RUSC2: variants seen among roughly 807,000 people sequenced by gnomAD.
RUSC2 encodes AP-4 complex accessory subunit RUSC2.
RUSC2 carries 34 observed loss-of-function variants against 122.2 expected under a neutral mutation model. That is an observed-to-expected ratio of 0.28 (90% CI 0.21 to 0.37). RUSC2 has a LOEUF of 0.37. Among genes scored for constraint, RUSC2 ranks in the 10% least tolerant of loss-of-function variants. The pLI is 1.00. For missense variants in RUSC2, 1,747 were observed against 1,952.4 expected, an observed-to-expected ratio of 0.89 and a Z score of 1.98; for synonymous variants, 784 against 790.0, an observed-to-expected ratio of 0.99 and a Z score of 0.13.
chr9:35,497,836 C>T (rs1266438698), intron 1 of RUSC2, among the ~76,000 whole-genome samples: 2 of 152,168 alleles, frequency 1.3e-5, no homozygotes, highest in African/African-American at 4.8e-5. Context: ...TTCTCTGTCC[C>T]TGTGGAACAT....
chr9:35,561,485 G>A lies in RUSC2; in HGVS notation c.*103G>A, dbSNP rs1181176923. On this transcript the variant is annotated 3_prime_UTR_variant, in exon 12 of 12. Transcript: ENST00000361226. The stretch of plus-strand genomic sequence containing the variant: ...GGCTTGGCTGCAGAGTAGACTGAGA[G>A]CTGGGGCCACGTATCCCTGTGCTGG... 1.0e-6 allele frequency: 1 copy of A among 958,460 alleles called. No individual in the cohort carries two copies. 59.4% of individuals were successfully genotyped at this position (958,460 alleles called of 1,614,324 possible). A position where few individuals can be genotyped will look rare whatever the true frequency, so the allele number is the denominator to read the frequency against.
At position 35,561,070 on chromosome 9, in the gene RUSC2, C is replaced by G; in HGVS notation, c.4322C>G (p.Ser1441Cys). The G allele has an allele frequency of 6.2e-7, 1 of 1,614,110 alleles. No homozygotes were observed. The highest frequency in any genetic ancestry group is 8.5e-7 in the Non-Finnish European group (1 of 1,179,986). Residue 1441 changes from serine (S) to cysteine (C), a missense_variant, in exon 11 of 12, where the codon TCC (serine) becomes TGC (cysteine). By Grantham distance (112) the Ser-to-Cys change is moderately radical. Transcript: ENST00000361226. ...AAGGAGAGCCTGCAGGAGCCACACT[C>G]CCCAGCCCTGCCCTCCAGTCCTCCG... ...EPKESLQEPH[S>C]PALPSSPPCE...
In RUSC2 at chr9:35,558,427, T is replaced by C. The variant is rs752943838; in HGVS notation, c.3236-35T>C. 3 of 1,613,928 alleles carry C rather than the reference T, an allele frequency of 1.9e-6. No homozygotes were observed. Among genetic ancestry groups the C allele is most frequent in the African/African-American group, 2.7e-5 (2 of 75,014 alleles). ...GGGCTGAATTTAGGGCTCCAGAAAT[T>C]GGTCATGTGACCTGCAACCCTGGCT... On this transcript the variant is annotated intron_variant, in intron 7 of 11. Transcript: ENST00000361226. This position sits in a 1 kb window ranked among gnomAD's most constrained non-coding sequence, Gnocchi z 4.3.
rs751459266 is a variant in RUSC2, at chr9:35,557,568, G to C, written c.2984-346G>C. 6.6e-5 allele frequency among the ~76,000 whole-genome samples: 10 copies of C among 152,176 alleles called. No individual in the cohort carries two copies. The highest frequency in any genetic ancestry group is 2.0e-4 in the Admixed American group (3 of 15,288). ...TGTCTGGCACTGGCACTGGGGTGAG[G>C]GACTTGGGTTTTCTTCAGGTCAGTG... On this transcript the variant is annotated intron_variant, in intron 5 of 11. Transcript: ENST00000361226. The surrounding 1 kb of genome is among the most constrained non-coding windows in gnomAD (Gnocchi z 4.6).
At chr9:35,500,019 T>A (rs1304507401) in intron 1 of RUSC2, among the ~76,000 whole-genome samples, 1 of 152,222 alleles carries the variant, frequency 6.6e-6, no homozygotes, top group Non-Finnish European at 1.5e-5. Flanking sequence ...ATTCTATTTA[T>A]TTAAAGTTAT....
chr9:35,508,420 G>A (rs1281776541), intron 1 of RUSC2, among the ~76,000 whole-genome samples: 1 of 152,152 alleles, frequency 6.6e-6, no homozygotes, highest in African/African-American at 2.4e-5. Context: ...GATGACTACT[G>A]GAGCCATGCT....
At chr9:35,524,494 G>C (rs924696589) in intron 1 of RUSC2, among the ~76,000 whole-genome samples, 1 of 152,168 alleles carries the variant, frequency 6.6e-6, no homozygotes, top group Non-Finnish European at 1.5e-5. Context: ...TTACAATGGA[G>C]AAACCTGACA....
chr9:35,504,948 G>A (rs1413213913), intron 1 of RUSC2, among the ~76,000 whole-genome samples: 2 of 152,198 alleles, frequency 1.3e-5, no homozygotes, highest in Admixed American at 1.3e-4. Context: ...TAAAGTTTCA[G>A]TTATACAAGC....
chr9:35,526,736 GC>G (rs1821331720), intron 1 of RUSC2, among the ~76,000 whole-genome samples: 1 of 152,174 alleles, frequency 6.6e-6, no homozygotes, highest in East Asian at 1.9e-4. Context: ...CTGGGATGGT[GC>G]CACTGCAGCC....
chr9:35,495,050 TAATA>T lies in RUSC2; in HGVS notation c.-93+4879_-93+4882del, dbSNP rs1564239961. ...TATATTATATATACTATAGTATATA[TAATA>T]TATACTATAGTATATATTATATATA... On this transcript the variant is annotated intron_variant, in intron 1 of 11. Transcript: ENST00000361226. Among the ~76,000 whole-genome samples, 100 of 90,638 alleles carry T rather than the reference TAATA, an allele frequency of 1.1e-3. 5 individuals are homozygous for T. Among genetic ancestry groups the T allele is most frequent in the African/African-American group, 4.6e-3 (92 of 20,078 alleles). The allele number at this position is 90,638 out of a possible 152,430, so 59.5% of individuals were successfully genotyped here.
chr9:35,555,634 C>T lies in RUSC2; in HGVS notation c.2589C>T (p.Gly863=). 6.2e-7 allele frequency: 1 copy of T among 1,611,450 alleles called. No individual in the cohort carries two copies. Among genetic ancestry groups the T allele is most frequent in the Admixed American group, 1.7e-5 (1 of 59,868 alleles). The change falls in exon 3 of 12, where the codon GGC becomes GGT. Residue 863 remains glycine, a synonymous_variant. Coordinates refer to ENST00000361226, the MANE Select transcript of RUSC2 (RefSeq NM_014806.5). The surrounding 1 kb of genome is among the most constrained non-coding windows in gnomAD (Gnocchi z 4.6). ...CGCCTCTGGGCTCCTGGCGATCTGG[C>T]CTCAGCCGAGCAGAGAGCCTGGCCC... The part of the protein sequence containing the change: ...SLPPLGSWRS[G]LSRAESLARG...
intron 1 of RUSC2, among the ~76,000 whole-genome samples, chr9:35,526,399 C>T (rs1821325820): frequency 6.6e-6 from 1 of 152,176 alleles, no homozygotes; most frequent in African/African-American, 2.4e-5. Context: ...TATTAACCAA[C>T]ATCTTATCAC....
chr9:35,547,337 C>T lies in RUSC2; in HGVS notation c.816C>T (p.Ser272=), dbSNP rs933937248. ...ADQSMGYVSD[S]SCNSSDGVLV... is the part of the protein sequence containing the mutation. ...AGTCCATGGGCTATGTGAGCGACTC[C>T]TCCTGCAACAGTTCAGATGGTGTGC... The change falls in exon 2 of 12, where the codon TCC becomes TCT. Residue 272 remains serine (S), a synonymous_variant. Coordinates refer to ENST00000361226, the MANE Select transcript of RUSC2 (RefSeq NM_014806.5). The surrounding 1 kb of genome is among the most constrained non-coding windows in gnomAD (Gnocchi z 4.6). The T allele has an allele frequency of 6.2e-7, 1 of 1,614,084 alleles. No individual in the cohort carries two copies. The highest frequency in any genetic ancestry group is 1.7e-5 in the Admixed American group (1 of 60,000).
At chr9:35,560,887 G>A in intron 10 of RUSC2, 36 bp downstream of exon 10, 2 of 1,576,708 alleles carry the variant, frequency 1.3e-6, no homozygotes, top group Non-Finnish European at 1.7e-6. Context: ...GGAGGGAGTA[G>A]GGAGCCTGCT....
At chr9:35,492,419 G>A (rs1339793568) in intron 1 of RUSC2, among the ~76,000 whole-genome samples, 1 of 151,868 alleles carries the variant, frequency 6.6e-6, no homozygotes, top group Non-Finnish European at 1.5e-5. Flanking sequence ...TAGGGTAAGG[G>A]CAGGCTATCT....
chr9:35,529,545 C>A (rs2132528260), intron 1 of RUSC2, among the ~76,000 whole-genome samples: 1 of 150,310 alleles, frequency 6.7e-6, no homozygotes, highest in Middle Eastern at 3.4e-3. Flanking sequence ...GACAGTCAGT[C>A]TGTCACTTTG....
Position 35,555,090 on chromosome 9 carries a change from G to A in RUSC2, c.2045G>A (p.Arg682His), listed in dbSNP as rs774344914. ...GGCACCGAGAGCCGACCAGTCCTTC[G>A]CTACAGCAAGGAACAGAGGCCAACC... The part of the protein sequence containing the change: ...GGGTESRPVL[R>H]YSKEQRPTTL... Residue 682 changes from arginine to histidine, a missense_variant, in exon 3 of 12, where the codon CGC (arginine) becomes CAC (histidine). Arg to His is a conservative substitution (Grantham distance 29). Transcript: ENST00000361226. The surrounding 1 kb of genome is among the most constrained non-coding windows in gnomAD (Gnocchi z 4.6). 2.1e-5 allele frequency: 34 copies of A among 1,612,826 alleles called. No homozygotes were observed. In the Admixed American group the frequency reaches 2.5e-4, roughly 12 times the overall value.
Position 35,548,570 on chromosome 9 carries a change from T to C in RUSC2, c.2014+35T>C, listed in dbSNP as rs1821822808. 1 of 1,558,560 alleles carries C rather than the reference T, an allele frequency of 6.4e-7. No individual in the cohort carries two copies. Among genetic ancestry groups the C allele is most frequent in the Non-Finnish European group, 8.7e-7 (1 of 1,155,946 alleles). The stretch of plus-strand genomic sequence containing the variant: ...CTAAGGGTTAGCAAATATGTGGCTA[T>C]TCACCAGCAGGATATGCATGGCCAC... On this transcript the variant is annotated intron_variant, in intron 2 of 11. Coordinates refer to ENST00000361226, the MANE Select transcript of RUSC2 (RefSeq NM_014806.5). This position sits in a 1 kb window ranked among gnomAD's most constrained non-coding sequence, Gnocchi z 4.5.
intron 1 of RUSC2, among the ~76,000 whole-genome samples, chr9:35,519,656 C>G (rs1008266131): frequency 1.3e-4 from 20 of 152,088 alleles, no homozygotes; most frequent in African/African-American, 4.8e-4. Flanking sequence ...CTGCCACTTC[C>G]CTGACCTGAA....
Sources: allele counts gnomAD v4.1 joint callset (sites outside exome capture counted in the v4.1 genomes callset), GRCh38; gene constraint gnomAD v4.1.1; non-coding constraint Gnocchi (gnomAD v3.1); transcripts MANE v1.5; gene names NCBI Gene and HGNC (gene_info 2026-07-23, HGNC 2026-07-21).